The following BRD4 variants were observed in gnomAD, a reference collection of about 807,000 sequenced individuals.
BRD4 encodes the protein bromodomain containing 4.
BRD4 carries 16 observed loss-of-function variants against 142.1 expected under a neutral mutation model. That is an observed-to-expected ratio of 0.11 (90% confidence interval 0.08 to 0.17). The LOEUF is 0.17. Among genes scored for constraint, BRD4 ranks in the 10% least tolerant of loss-of-function variants. BRD4 has a pLI of 1.00. For synonymous variants in BRD4, 833 were observed against 707.5 expected (o/e 1.18, Z -2.82); for missense variants, 1,424 against 1,810.9 (o/e 0.79, Z 3.88).
intron 1 of BRD4, among the ~76,000 whole-genome samples, chr19:15,294,361 T>G (rs2047807116): frequency 1.3e-5 from 2 of 152,258 alleles, no homozygotes; most frequent in African/African-American, 4.8e-5. Flanking sequence ...AGATGCTGTC[T>G]GCCAGCTAGG....
At chr19:15,253,654 G>A (rs749214664) in intron 11 of BRD4, 8 of 1,597,880 alleles carry the variant, frequency 5.0e-6, no homozygotes, top group Middle Eastern at 1.7e-4. Flanking sequence ...CTGGCGATGC[G>A]GCTGGCCAGC....
chr19:15,273,956 T>TTG (rs1158711178), intron 1 of BRD4, among the ~76,000 whole-genome samples: 3 of 152,196 alleles, frequency 2.0e-5, no homozygotes, highest in Non-Finnish European at 4.4e-5. Flanking sequence ...GTGAATTACT[T>TTG]TGTGTAATTT....
chr19:15,273,120 C>T lies in BRD4; in HGVS notation c.-21G>A. 1 of 1,562,722 alleles carries T rather than the reference C, an allele frequency of 6.4e-7. No individual in the cohort carries two copies. Among genetic ancestry groups the T allele is most frequent in the Non-Finnish European group, 8.7e-7 (1 of 1,151,780 alleles). Reference sequence around the variant, plus strand: ...GACATGCTAGTGATCCCATCACATTCTTCACCAGGCACTCTACAAAGGAAG... The same window carrying T: ...GACATGCTAGTGATCCCATCACATTTTTCACCAGGCACTCTACAAAGGAAG... On this transcript the variant is annotated 5_prime_UTR_variant, in exon 2 of 20. Transcript: ENST00000679869.
chr19:15,303,929 A>G (rs563544338), intron 1 of BRD4, among the ~76,000 whole-genome samples: 1 of 152,302 alleles, frequency 6.6e-6, no homozygotes, highest in African/African-American at 2.4e-5. Flanking sequence ...TCACCACAAC[A>G]GACTCCATGC....
intron 13 of BRD4, among the ~76,000 whole-genome samples, chr19:15,243,884 C>G (rs1277591128): frequency 2.0e-5 from 3 of 152,208 alleles, no homozygotes; most frequent in African/African-American, 7.2e-5. Flanking sequence ...AGTGCATCCC[C>G]CAACCCCTGA....
At chr19:15,247,846 C>T in intron 11 of BRD4, 1 of 231,194 alleles carries the variant, frequency 4.3e-6, no homozygotes, top group Non-Finnish European at 8.6e-6. Flanking sequence ...TCAAGAGCAG[C>T]CCAGGAACTC....
intron 1 of BRD4, among the ~76,000 whole-genome samples, chr19:15,283,254 G>A (rs939091077): frequency 5.9e-5 from 9 of 152,146 alleles, no homozygotes; most frequent in Admixed American, 2.6e-4. Flanking sequence ...AAAATGAGAA[G>A]AAAGTTTAAG....
At chr19:15,321,217 C>A (rs1340106958) in intron 1 of BRD4, among the ~76,000 whole-genome samples, 1 of 150,278 alleles carries the variant, frequency 6.7e-6, no homozygotes, top group African/African-American at 2.5e-5. Flanking sequence ...GAGCGAGACT[C>A]CATCAAGAAA....
Position 15,251,728 on chromosome 19 carries a change from G to A in BRD4, c.2158+2424C>T, listed in dbSNP as rs377193598. Among the ~76,000 whole-genome samples, 245 of 152,270 alleles carry A rather than the reference G, an allele frequency of 1.6e-3. 4 individuals carry two copies. The highest frequency in any genetic ancestry group is 5.6e-3 in the African/African-American group (234 of 41,544). On this transcript the variant is annotated intron_variant, in intron 11 of 19. Transcript: ENST00000679869. ...GTGGGTTCCCATTTCGGGATCTGCCGTACGAAACCCTCGCAGCGGCCCCTC... is the reference window on the plus strand; with the variant it reads ...GTGGGTTCCCATTTCGGGATCTGCCATACGAAACCCTCGCAGCGGCCCCTC...
chr19:15,330,270 G>A (rs1326146816), intron 1 of BRD4, among the ~76,000 whole-genome samples: 1 of 152,166 alleles, frequency 6.6e-6, no homozygotes, highest in Non-Finnish European at 1.5e-5. Context: ...AAGAGGTATG[G>A]TGGATAACAG....
intron 1 of BRD4, among the ~76,000 whole-genome samples, chr19:15,298,005 T>C (rs1372039208): frequency 6.6e-6 from 1 of 152,202 alleles, no homozygotes; most frequent in Non-Finnish European, 1.5e-5. Context: ...GAATCTGCAG[T>C]TGGGAGAGCC....
intron 1 of BRD4, among the ~76,000 whole-genome samples, chr19:15,321,274 G>A (rs2048059393): frequency 6.6e-6 from 1 of 150,712 alleles, no homozygotes; most frequent in Non-Finnish European, 1.5e-5. Context: ...AAAGAAAAAA[G>A]AAAAAGAGAA....
chr19:15,260,812 A>C (rs1015935977), intron 7 of BRD4, among the ~76,000 whole-genome samples: 2 of 152,286 alleles, frequency 1.3e-5, no homozygotes, highest in Non-Finnish European at 2.9e-5. Context: ...AAAAAAAAAA[A>C]AAACCACTTA....
chr19:15,326,014 A>G (rs1294820402), intron 1 of BRD4, among the ~76,000 whole-genome samples: 1 of 150,758 alleles, frequency 6.6e-6, no homozygotes, highest in African/African-American at 2.4e-5. Context: ...AAAAAAAAAA[A>G]AAAAGAAAGA....
chr19:15,299,527 G>A (rs978460480), intron 1 of BRD4, among the ~76,000 whole-genome samples: 40 of 152,276 alleles, frequency 2.6e-4, no homozygotes, highest in African/African-American at 9.1e-4. Context: ...GGACATCCCC[G>A]CCATGGCCAA....
At chr19:15,260,980 C>G (rs899144409) in intron 7 of BRD4, among the ~76,000 whole-genome samples, 3 of 152,168 alleles carry the variant, frequency 2.0e-5, no homozygotes, top group East Asian at 3.8e-4. Context: ...TAGCTCAAAA[C>G]AGTCACCTTT....
intron 11 of BRD4, chr19:15,246,988 C>G (rs770398024): frequency 5.5e-6 from 1 of 181,252 alleles, no homozygotes; most frequent in Non-Finnish European, 1.2e-5. Flanking sequence ...CACAGCTTCA[C>G]AACACACCAG....
At chr19:15,310,183 G>C (rs999393260) in intron 1 of BRD4, among the ~76,000 whole-genome samples, 7 of 151,336 alleles carry the variant, frequency 4.6e-5, no homozygotes, top group African/African-American at 1.7e-4. Flanking sequence ...GCTGATGAAA[G>C]GGTGAGATCC....
At chr19:15,284,937 TTAC>T (rs1324317564) in intron 1 of BRD4, among the ~76,000 whole-genome samples, 4 of 152,154 alleles carry the variant, frequency 2.6e-5, no homozygotes, top group African/African-American at 9.7e-5. Flanking sequence ...AGCCCAACTC[TTAC>T]ACTGACAGGC....
Sources: gnomAD v4.1 joint callset for allele counts (sites outside exome capture counted in the v4.1 genomes callset) on GRCh38, gnomAD v4.1.1 for gene constraint, MANE v1.5 for transcripts, NCBI Gene and HGNC (gene_info 2026-07-23, HGNC 2026-07-21) for gene names.